Variants in IDO2 observed in about 807,000 individuals in gnomAD.
The protein encoded by IDO2 is indoleamine 2,3-dioxygenase-like 1 protein.
A neutral mutation model predicts 45.1 loss-of-function variants in IDO2; 46 were observed. The ratio of observed to expected loss-of-function variants is 1.02; its 90% CI spans 0.80 to 1.30. The LOEUF (loss-of-function observed/expected upper bound fraction) is 1.30. IDO2 is among the 50% of genes most tolerant of loss of function. The pLI is 0.00. For synonymous variants in IDO2, 218 were observed against 184.9 expected (o/e 1.18, Z -1.45); for missense variants, 544 against 491.8 (o/e 1.11, Z -1.00).
Position 39,982,685 on chromosome 8 carries a change from G to T in IDO2, c.349G>T (p.Glu117Ter). Residue 117 changes from glutamate to a stop codon, truncating the protein, a stop_gained, in exon 5 of 11, where the codon GAA (glutamate) becomes TAA (stop). Transcript: ENST00000502986. LOFTEE classifies it high-confidence loss of function. ...AAGGAATCTTGCCCTTCCATTTGTC[G>T]AAGTCTCCAGGAACTTGGGGCTCCC... The T allele has an allele frequency of 5.6e-6, 9 of 1,610,794 alleles. No homozygotes were observed. The highest frequency in any genetic ancestry group is 7.6e-6 in the Non-Finnish European group (9 of 1,178,336).
At chr8:39,939,214 G>C (rs1807603842) in intron 1 of IDO2, among the ~76,000 whole-genome samples, 1 of 136,920 alleles carries the variant, frequency 7.3e-6, no homozygotes, top group African/African-American at 2.7e-5. Context: ...CTGCACTCTA[G>C]CCTGGGCGAC....
chr8:40,005,466 C>A, intron 9 of IDO2, 88 bp downstream of exon 9: 1 of 799,796 alleles, frequency 1.3e-6, no homozygotes, highest in Non-Finnish European at 1.9e-6. Context: ...AGCTTCCTAG[C>A]GTAAGAAACA....
At position 39,977,065 on chromosome 8, in the gene IDO2, CAAAAT is replaced by C. The variant is rs1278708693; in HGVS notation, c.196-1998_196-1994del. Among the ~76,000 whole-genome samples the C allele has an allele frequency of 2.0e-5, 3 of 151,716 alleles. No individual in the cohort carries two copies. In the South Asian group the frequency reaches 6.3e-4, roughly 32 times the overall value. ...GTAATAAAAATAATTATATAACACT[CAAAAT>C]AAATTATTAAACAACAATGAACTAA... On this transcript the variant is annotated intron_variant, in intron 3 of 10. Transcript: ENST00000502986.
At chr8:39,967,638 C>T (rs929199667) in intron 3 of IDO2, among the ~76,000 whole-genome samples, 1 of 152,134 alleles carries the variant, frequency 6.6e-6, no homozygotes. Context: ...CAGGCACCCG[C>T]CACCACACCC....
chr8:39,970,682 C>T (rs566111927), intron 3 of IDO2, among the ~76,000 whole-genome samples: 8 of 151,900 alleles, frequency 5.3e-5, no homozygotes, highest in Non-Finnish European at 1.2e-4. Flanking sequence ...TGAGCCACCA[C>T]GCCTGGCCAG....
At chr8:40,004,790 G>A (rs759633881) in intron 8 of IDO2, among the ~76,000 whole-genome samples, 3 of 152,234 alleles carry the variant, frequency 2.0e-5, no homozygotes, top group Admixed American at 1.3e-4. Flanking sequence ...ATCAAAAATA[G>A]TTGTTTATAT....
intron 3 of IDO2, among the ~76,000 whole-genome samples, chr8:39,964,149 T>G (rs779230651): frequency 2.6e-5 from 4 of 152,230 alleles, no homozygotes; most frequent in Non-Finnish European, 4.4e-5. Flanking sequence ...AATTATAAAA[T>G]TGGCCATGGG....
chr8:40,015,413 C>G (rs760459934), exon 11 of IDO2: 4 of 1,613,968 alleles, frequency 2.5e-6, no homozygotes, highest in Non-Finnish European at 3.4e-6. Context: ...AGCTGCGGAG[C>G]TATCACATCA....
chr8:39,943,108 C>CT (rs1807672082), intron 1 of IDO2, among the ~76,000 whole-genome samples: 1 of 152,138 alleles, frequency 6.6e-6, no homozygotes, highest in African/African-American at 2.4e-5. Flanking sequence ...TGGCTCACGC[C>CT]TGTAATCCCA....
chr8:40,015,705 G>A, exon 11 of IDO2: 1 of 818,754 alleles, frequency 1.2e-6, no homozygotes, highest in South Asian at 1.7e-5. Context: ...AAGGATCTCA[G>A]CCCTATTCAT....
At chr8:39,966,892 T>G (rs1808092740) in intron 3 of IDO2, among the ~76,000 whole-genome samples, 1 of 152,206 alleles carries the variant, frequency 6.6e-6, no homozygotes, top group Admixed American at 6.5e-5. Flanking sequence ...CACTTGGCAT[T>G]CAGGACCAAT....
In IDO2 at chr8:39,952,260, A is replaced by G. The variant is rs10958577; in HGVS notation, c.99+2996A>G. 1.4e-4 allele frequency among the ~76,000 whole-genome samples: 22 copies of G among 152,256 alleles called. No homozygotes were observed. The South Asian group carries it at 4.4e-3, about 30-fold the overall frequency. On this transcript the variant is annotated intron_variant, in intron 2 of 10. Coordinates refer to ENST00000502986, the Ensembl canonical transcript of IDO2. ...ACAATTGGCTGCCCTGCTCAAGGGGACACCAGATCTTACTTTCGTTTAGTT... is the reference window on the plus strand; with the variant it reads ...ACAATTGGCTGCCCTGCTCAAGGGGGCACCAGATCTTACTTTCGTTTAGTT...
chr8:39,978,988 C>A, intron 3 of IDO2, 79 bp from the exon 4 acceptor site: 1 of 1,424,518 alleles, frequency 7.0e-7, no homozygotes, highest in Non-Finnish European at 9.6e-7. Flanking sequence ...CCCTTCACAT[C>A]CCAGGTCCCC....
At chr8:39,956,098 T>G (rs1807887444) in intron 2 of IDO2, among the ~76,000 whole-genome samples, 1 of 151,066 alleles carries the variant, frequency 6.6e-6, no homozygotes, top group Non-Finnish European at 1.5e-5. Flanking sequence ...CTTGCTCTGT[T>G]GCTCAGACTG....
chr8:39,997,694 A>T (rs1220731750), intron 8 of IDO2, among the ~76,000 whole-genome samples: 1 of 152,160 alleles, frequency 6.6e-6, no homozygotes, highest in Non-Finnish European at 1.5e-5. Context: ...TATGAAAAAG[A>T]TTCTCTAGTC....
chr8:39,942,407 G>T (rs1226952493), intron 1 of IDO2, among the ~76,000 whole-genome samples: 1 of 152,198 alleles, frequency 6.6e-6, no homozygotes, highest in African/African-American at 2.4e-5. Flanking sequence ...ATTTTGGGAG[G>T]TTGAGGCAGG....
intron 3 of IDO2, among the ~76,000 whole-genome samples, chr8:39,971,755 A>T (rs920190555): frequency 2.6e-5 from 4 of 152,230 alleles, no homozygotes; most frequent in African/African-American, 9.6e-5. Context: ...AACTAAAATT[A>T]GAAGTGGAAT....
chr8:39,975,062 T>C (rs571581294), intron 3 of IDO2, among the ~76,000 whole-genome samples: 163 of 151,906 alleles, frequency 1.1e-3, no homozygotes, highest in Non-Finnish European at 1.8e-3. Flanking sequence ...TGAGCCGAGA[T>C]CGTGCCATCA....
chr8:39,962,592 A>C (rs1484326311), intron 2 of IDO2, among the ~76,000 whole-genome samples: 1 of 152,170 alleles, frequency 6.6e-6, no homozygotes, highest in Non-Finnish European at 1.5e-5. Context: ...AGGCAGGTGG[A>C]CATAGTGAAG....
Sources: gnomAD v4.1 joint callset for allele counts (sites outside exome capture counted in the v4.1 genomes callset) on GRCh38, gnomAD v4.1.1 for gene constraint, MANE v1.5 for transcripts, NCBI Gene and HGNC (gene_info 2026-07-23, HGNC 2026-07-21) for gene names.